The following NAA15 variants were observed in gnomAD, a reference collection of about 807,000 sequenced individuals.
The protein encoded by NAA15 is N-terminal acetyltransferase.
A neutral mutation model predicts 114.0 loss-of-function variants in NAA15; 34 were observed. That is an observed-to-expected ratio of 0.30 (90% CI 0.23 to 0.40). NAA15 has a LOEUF of 0.40. Ranked by LOEUF, NAA15 falls within the 10% of genes least tolerant of loss-of-function variation. NAA15 has a pLI of 1.00. For synonymous variants in NAA15, 340 were observed against 338.0 expected (o/e 1.01, Z -0.06); for missense variants, 658 against 1,004.5 (o/e 0.66, Z 4.66).
Position 139,386,185 on chromosome 4 carries a change from G to A in NAA15, c.2355G>A (p.Glu785=). ...CTTCTAGTCAGAAGCGAGCTATAGA[G>A]TTGGCAACAACACTTGATGAATCTC... The part of the protein sequence containing the change: ...LDPSSQKRAI[E]LATTLDESLT... The change falls in exon 19 of 20, where the codon GAG becomes GAA. Residue 785 remains glutamate (E), a synonymous_variant. Transcript: ENST00000296543. The A allele has an allele frequency of 6.2e-7, 1 of 1,611,388 alleles. No homozygotes were observed. The highest frequency in any genetic ancestry group is 8.5e-7 in the Non-Finnish European group (1 of 1,178,624).
intron 3 of NAA15, among the ~76,000 whole-genome samples, chr4:139,338,862 G>A (rs1463889583): frequency 2.0e-5 from 3 of 152,248 alleles, no homozygotes; most frequent in Middle Eastern, 6.8e-3. Flanking sequence ...CCAGGCTAGA[G>A]TGCAGTGGTG....
At chr4:139,376,568 A>G in intron 16 of NAA15, 95 bp downstream of exon 16, 1 of 764,818 alleles carries the variant, frequency 1.3e-6, no homozygotes, top group Non-Finnish European at 2.3e-6. Context: ...CTGTACGATT[A>G]TTTAGCAAAT....
chr4:139,331,617 A>G (rs1230922209), intron 1 of NAA15, among the ~76,000 whole-genome samples: 2 of 127,864 alleles, frequency 1.6e-5, no homozygotes, highest in Non-Finnish European at 3.3e-5. Flanking sequence ...TGCCCGGCTA[A>G]TTTTTTTTTT....
chr4:139,371,821 A>G (rs977579497), intron 15 of NAA15, among the ~76,000 whole-genome samples: 1 of 152,124 alleles, frequency 6.6e-6, no homozygotes, highest in Admixed American at 6.6e-5. Flanking sequence ...GCCTGCTGCC[A>G]TCATCACTTT....
chr4:139,313,784 G>A (rs1172337633), intron 1 of NAA15, among the ~76,000 whole-genome samples: 6 of 151,654 alleles, frequency 4.0e-5, no homozygotes, highest in Admixed American at 1.3e-4. Flanking sequence ...TGATCTGCCC[G>A]CCTCGGCCTA....
chr4:139,374,684 A>G (rs1055625352), intron 15 of NAA15, among the ~76,000 whole-genome samples: 1 of 152,156 alleles, frequency 6.6e-6, no homozygotes, highest in African/African-American at 2.4e-5. Flanking sequence ...TGCACGATGT[A>G]TGAGTAAATA....
At chr4:139,302,186 G>A (rs1460457947) in intron 1 of NAA15, 1 of 257,744 alleles carries the variant, frequency 3.9e-6, no homozygotes, top group Non-Finnish European at 7.4e-6. Context: ...GGCCCGGTTG[G>A]TGTGGGAACC....
chr4:139,344,472 C>A, intron 6 of NAA15, 133 bp downstream of exon 6: 1 of 651,482 alleles, frequency 1.5e-6, no homozygotes. Context: ...TACTCGTGTA[C>A]TTTTAATAGT....
chr4:139,307,532 G>T (rs1013917335), intron 1 of NAA15, among the ~76,000 whole-genome samples: 1 of 152,226 alleles, frequency 6.6e-6, no homozygotes, highest in Admixed American at 6.5e-5. Flanking sequence ...TTCCCAAAGT[G>T]CTGGGATTAC....
chr4:139,314,283 G>T (rs921004699), intron 1 of NAA15, among the ~76,000 whole-genome samples: 3 of 151,846 alleles, frequency 2.0e-5, no homozygotes, highest in African/African-American at 7.3e-5. Context: ...GTTGTTTGAG[G>T]TGTGTGTCTG....
At chr4:139,368,651 A>T (rs1339053756) in intron 14 of NAA15, among the ~76,000 whole-genome samples, 1 of 152,074 alleles carries the variant, frequency 6.6e-6, no homozygotes, top group East Asian at 1.9e-4. Flanking sequence ...AATGTTACAT[A>T]CCTTGGTGTA....
At chr4:139,326,712 C>T (rs1746814701) in intron 1 of NAA15, among the ~76,000 whole-genome samples, 1 of 152,162 alleles carries the variant, frequency 6.6e-6, no homozygotes, top group African/African-American at 2.4e-5. Context: ...ATACTTTTAA[C>T]AGATGAGGCC....
At chr4:139,369,819 T>C (rs1357576115) in intron 14 of NAA15, among the ~76,000 whole-genome samples, 1 of 152,182 alleles carries the variant, frequency 6.6e-6, no homozygotes, top group Non-Finnish European at 1.5e-5. Flanking sequence ...AAATTTGTTT[T>C]TTGAGACAGA....
chr4:139,330,833 G>A (rs145770887), intron 1 of NAA15, among the ~76,000 whole-genome samples: 51 of 152,254 alleles, frequency 3.3e-4, no homozygotes, highest in African/African-American at 1.2e-3. Flanking sequence ...AAGTGGAGAT[G>A]ATGGGTATAT....
At chr4:139,365,880 G>A (rs1357245064) in intron 14 of NAA15, among the ~76,000 whole-genome samples, 1 of 151,996 alleles carries the variant, frequency 6.6e-6, no homozygotes, top group Non-Finnish European at 1.5e-5. Flanking sequence ...AAAAATATAA[G>A]GTATGCATTA....
chr4:139,370,806 A>G (rs1748414795), intron 15 of NAA15, among the ~76,000 whole-genome samples: 1 of 152,234 alleles, frequency 6.6e-6, no homozygotes. Flanking sequence ...TAAAGCATCT[A>G]ATGTCTGTTA....
chr4:139,384,212 C>T (rs1748829528), intron 17 of NAA15, among the ~76,000 whole-genome samples: 1 of 152,180 alleles, frequency 6.6e-6, no homozygotes, highest in Non-Finnish European at 1.5e-5. Context: ...CATGATGGCT[C>T]ATGCCTGTAA....
chr4:139,312,303 G>C (rs898506986), intron 1 of NAA15, among the ~76,000 whole-genome samples: 1 of 151,894 alleles, frequency 6.6e-6, no homozygotes, highest in East Asian at 1.9e-4. Context: ...TTAGGGTGTG[G>C]AAGGAATTTT....
intron 3 of NAA15, among the ~76,000 whole-genome samples, chr4:139,337,180 G>A (rs1357953886): frequency 6.6e-6 from 1 of 152,090 alleles, no homozygotes; most frequent in East Asian, 1.9e-4. Flanking sequence ...AAAAATATCT[G>A]TGAAAGCTTT....
Sources: gnomAD v4.1 joint callset for allele counts (sites outside exome capture counted in the v4.1 genomes callset) on GRCh38, gnomAD v4.1.1 for gene constraint, MANE v1.5 for transcripts, NCBI Gene and HGNC (gene_info 2026-07-23, HGNC 2026-07-21) for gene names.